The following OTOP1 variants were observed in gnomAD, a reference collection of about 807,000 sequenced individuals.
OTOP1 encodes the protein otopetrin 1.
OTOP1 carries 59 observed loss-of-function variants against 52.9 expected under a neutral mutation model. The observed-to-expected ratio is 1.12, with a 90% CI of 0.91 to 1.39. OTOP1 has a LOEUF of 1.39. OTOP1 is among the 40% of genes most tolerant of loss of function. OTOP1 has a pLI of 0.00. For missense variants in OTOP1, 761 were observed against 800.9 expected (o/e 0.95, Z 0.60); for synonymous variants, 317 against 337.7 (o/e 0.94, Z 0.67).
At chr4:4,215,433 G>A (rs13143791) in intron 1 of OTOP1, among the ~76,000 whole-genome samples, 11,557 of 152,172 alleles carry the variant, frequency 0.076, 602 homozygotes, top group Middle Eastern at 0.14. Context: ...ATGCTGAGGC[G>A]GGTGGATCAC....
chr4:4,226,429 G>C (rs755502515), intron 1 of OTOP1, 33 bp downstream of exon 1: 2 of 1,403,558 alleles, frequency 1.4e-6, no homozygotes, highest in Middle Eastern at 2.3e-4. Flanking sequence ...GGGCGAGGAG[G>C]CGGAGACCCG....
In OTOP1 at chr4:4,219,995, GTATATACATA is replaced by G. The variant is rs1159827307; in HGVS notation, c.403+6457_403+6466del. ...TATACACATATATACGTATATAGGTGTATATACATATATATGTATATACATGTATATACGT... is the reference window on the plus strand; with the variant it reads ...TATACACATATATACGTATATAGGTGTATATGTATATACATGTATATACGT... On this transcript the variant is annotated intron_variant, in intron 1 of 5. Transcript: ENST00000296358. Among the ~76,000 whole-genome samples, 12 of 54,564 alleles carry G rather than the reference GTATATACATA, an allele frequency of 2.2e-4. 1 individual carries two copies. The highest frequency in any genetic ancestry group is 2.7e-4 in the Non-Finnish European group (8 of 29,292). 35.8% of individuals were successfully genotyped at this position (54,564 alleles called of 152,430 possible). A position where few individuals can be genotyped will look rare whatever the true frequency, so the allele number is the denominator to read the frequency against.
chr4:4,205,426 C>T (rs1321470181), intron 3 of OTOP1, among the ~76,000 whole-genome samples: 7 of 152,230 alleles, frequency 4.6e-5, no homozygotes, highest in Admixed American at 6.5e-5. Flanking sequence ...GCTACCTCCC[C>T]TTCCTTTCCT....
chr4:4,214,689 T>G (rs1717099916), intron 1 of OTOP1, among the ~76,000 whole-genome samples: 1 of 152,118 alleles, frequency 6.6e-6, no homozygotes, highest in South Asian at 2.1e-4. Context: ...CTAAGTAAAA[T>G]AAACTCAACC....
intron 5 of OTOP1, among the ~76,000 whole-genome samples, chr4:4,193,127 G>A (rs904327193): frequency 7.2e-5 from 11 of 152,060 alleles, no homozygotes; most frequent in South Asian, 2.1e-4. Context: ...TTTCTCTTGC[G>A]TTTAGGATAG....
At chr4:4,224,695 A>G (rs763991178) in intron 1 of OTOP1, among the ~76,000 whole-genome samples, 18 of 152,220 alleles carry the variant, frequency 1.2e-4, no homozygotes, top group Non-Finnish European at 1.9e-4. Context: ...ATGGTGTCAA[A>G]TTTCCCCAAA....
intron 5 of OTOP1, among the ~76,000 whole-genome samples, chr4:4,195,456 G>C (rs1716601010): frequency 6.6e-6 from 1 of 152,144 alleles, no homozygotes; most frequent in Admixed American, 6.6e-5. Flanking sequence ...TGCAGTGAGG[G>C]GTGCCCATGT....
Position 4,224,117 on chromosome 4 carries a change from G to A in OTOP1, c.403+2345C>T, listed in dbSNP as rs530472677. Among the ~76,000 whole-genome samples, 20 of 152,178 alleles carry A rather than the reference G, an allele frequency of 1.3e-4. No homozygotes were observed. In the East Asian group the frequency reaches 2.7e-3, roughly 21 times the overall value. On this transcript the variant is annotated intron_variant, in intron 1 of 5. Transcript: ENST00000296358. ...TAATCCCAGCACTTTGGGAGGCTGA[G>A]GCAGGCAGATCACGAGGTCAGGAGT...
Position 4,226,649 on chromosome 4 carries a change from C to A in OTOP1, c.216G>T (p.Ala72=), listed in dbSNP as rs759105306. The change falls in exon 1 of 6, where the codon GCG becomes GCT. Residue 72 remains alanine (A), a synonymous_variant. Transcript: ENST00000296358. ...CCCAGGCCAGCAGCAGCAGCAGCCC[C>A]GCCACGAACACGATCAGCCCATACT... ...SSQYGLIVFV[A]GLLLLLAWAV... is the part of the protein sequence containing the mutation. 3.8e-6 allele frequency: 6 copies of A among 1,590,646 alleles called. No homozygotes were observed. The East Asian group carries it at 1.4e-4, about 38-fold the overall frequency.
At chr4:4,211,872 G>A (rs957257928) in intron 2 of OTOP1, among the ~76,000 whole-genome samples, 1 of 152,086 alleles carries the variant, frequency 6.6e-6, no homozygotes, top group Non-Finnish European at 1.5e-5. Context: ...TTGCAAATAC[G>A]CAAGACGAAT....
chr4:4,210,225 C>T (rs569474772), intron 2 of OTOP1, among the ~76,000 whole-genome samples: 24 of 152,282 alleles, frequency 1.6e-4, no homozygotes, highest in Non-Finnish European at 2.2e-4. Flanking sequence ...GAACGCAGTT[C>T]GTTCTGCCCT....
At chr4:4,210,308 G>A (rs1716998757) in intron 2 of OTOP1, among the ~76,000 whole-genome samples, 1 of 152,164 alleles carries the variant, frequency 6.6e-6, no homozygotes, top group South Asian at 2.1e-4. Context: ...CCCCTGGAAT[G>A]AGCAGCCAGT....
intron 2 of OTOP1, among the ~76,000 whole-genome samples, chr4:4,210,927 T>C (rs1717011876): frequency 6.6e-6 from 1 of 152,156 alleles, no homozygotes; most frequent in Admixed American, 6.6e-5. Context: ...CATCTCCAAA[T>C]ACAGTCACAT....
At chr4:4,219,881 A>ATATACACATATATG (rs1174519208) in intron 1 of OTOP1, among the ~76,000 whole-genome samples, 1 of 145,752 alleles carries the variant, frequency 6.9e-6, no homozygotes, top group Non-Finnish European at 1.5e-5. Flanking sequence ...ATATATGTAT[A>ATATACACATATATG]TATACACATA....
chr4:4,194,133 G>A (rs1367060097), intron 5 of OTOP1, among the ~76,000 whole-genome samples: 1 of 152,192 alleles, frequency 6.6e-6, no homozygotes, highest in Non-Finnish European at 1.5e-5. Flanking sequence ...AGGTTGCAAT[G>A]AGCCAAGATC....
chr4:4,201,469 T>TACACACAC (rs564159690), intron 4 of OTOP1, among the ~76,000 whole-genome samples: 1,707 of 137,642 alleles, frequency 0.012, 7 homozygotes, highest in South Asian at 0.032. Context: ...AATATATATA[T>TACACACAC]ATACACACAC....
chr4:4,214,160 T>C (rs1717085624), intron 1 of OTOP1, among the ~76,000 whole-genome samples: 1 of 151,854 alleles, frequency 6.6e-6, no homozygotes, highest in Admixed American at 6.6e-5. Flanking sequence ...TAAACATATC[T>C]CCAAAGAAGA....
intron 1 of OTOP1, among the ~76,000 whole-genome samples, chr4:4,221,956 A>G (rs1255298327): frequency 6.6e-6 from 1 of 152,104 alleles, no homozygotes; most frequent in Non-Finnish European, 1.5e-5. Context: ...ATTGAAGTGC[A>G]GTTGACTTCC....
intron 4 of OTOP1, among the ~76,000 whole-genome samples, chr4:4,201,455 A>T (rs28408907): frequency 1.0e-5 from 1 of 99,054 alleles, no homozygotes; most frequent in Non-Finnish European, 2.2e-5. Flanking sequence ...AGAATAAATA[A>T]ATAAATATAT....
Sources: allele counts gnomAD v4.1 joint callset (sites outside exome capture counted in the v4.1 genomes callset), GRCh38; gene constraint gnomAD v4.1.1; transcripts MANE v1.5; gene names NCBI Gene and HGNC (gene_info 2026-07-23, HGNC 2026-07-21).